The following CCDC136 variants were observed in gnomAD, a reference collection of about 807,000 sequenced individuals.
CCDC136 encodes the protein coiled-coil domain-containing protein 136.
Under a neutral mutation model 141.2 loss-of-function variants are expected in CCDC136, and 100 were observed. The observed-to-expected ratio is 0.71, with a 90% confidence interval of 0.60 to 0.84. CCDC136 has a LOEUF of 0.84. CCDC136 is among the 40% of genes least tolerant of loss of function. CCDC136 has a pLI of 0.00. For synonymous variants in CCDC136, 474 were observed against 531.9 expected, an observed-to-expected ratio of 0.89 and a Z score of 1.50; for missense variants, 1,206 against 1,379.4, an observed-to-expected ratio of 0.87 and a Z score of 1.99.
chr7:128,796,909 T>C (rs2128896472), intron 3 of CCDC136, among the ~76,000 whole-genome samples: 1 of 149,266 alleles, frequency 6.7e-6, no homozygotes, highest in East Asian at 2.0e-4. Flanking sequence ...GCCCGGCTAA[T>C]TTTTTGTATT....
chr7:128,816,659 C>A (rs1806683130), intron 16 of CCDC136, among the ~76,000 whole-genome samples: 1 of 152,162 alleles, frequency 6.6e-6, no homozygotes, highest in African/African-American at 2.4e-5. Flanking sequence ...AGAAGTACTT[C>A]CATATTTTAA....
At chr7:128,820,804 G>T (rs1295443194) in intron 17 of CCDC136, among the ~76,000 whole-genome samples, 1 of 152,108 alleles carries the variant, frequency 6.6e-6, no homozygotes, top group African/African-American at 2.4e-5. Context: ...ACCTTCTGTT[G>T]TTCTTAGTAG....
intron 3 of CCDC136, among the ~76,000 whole-genome samples, chr7:128,796,739 A>ATATATATATATATTTTTT: frequency 5.3e-4 from 60 of 113,364 alleles, no homozygotes; most frequent in African/African-American, 2.1e-3. Flanking sequence ...ATATATATAT[A>ATATATATATATATTTTTT]TTCTTTTTTT....
chr7:128,809,104 T>A, intron 10 of CCDC136: 1 of 388,240 alleles, frequency 2.6e-6, no homozygotes, highest in Non-Finnish European at 3.6e-6. Context: ...CCCAACAGGG[T>A]GGGAATATGG....
Position 128,794,771 on chromosome 7 carries a change from A to G in CCDC136, c.346+3A>G. On this transcript the variant is annotated splice_donor_region_variant and intron_variant, in intron 3 of 17. Transcript: ENST00000297788. This position sits in a 1 kb window ranked among gnomAD's most constrained non-coding sequence, Gnocchi z 4.3. ...CAAGCAGATCCAGCAGCTCCAAGGT[A>G]ATTCCCAGGACTTGGACTGGAGGGA... The G allele has an allele frequency of 1.3e-6, 2 of 1,551,298 alleles. No individual in the cohort carries two copies. Among genetic ancestry groups the G allele is most frequent in the South Asian group, 1.2e-5 (1 of 84,054 alleles).
rs1802695307 is a variant in CCDC136, at chr7:128,794,745, C to T, written c.323C>T (p.Thr108Ile). Residue 108 changes from threonine (T) to isoleucine (I), a missense_variant, in exon 3 of 18, where the codon ACC becomes ATC. Physicochemically the swap from Thr to Ile is moderately conservative, Grantham distance 89 (BLOSUM62 -1). Coordinates refer to ENST00000297788, the MANE Select transcript of CCDC136 (RefSeq NM_022742.5). The surrounding 1 kb of genome is among the most constrained non-coding windows in gnomAD (Gnocchi z 4.3). Reference protein sequence around the residue: ...LASAQQAEVFTKQIQQLQGEL... With the variant: ...LASAQQAEVFIKQIQQLQGEL... ...AGCGCCCAGCAGGCAGAGGTGTTCA[C>T]CAAGCAGATCCAGCAGCTCCAAGGT... is the stretch of plus-strand genomic sequence containing the variant. The T allele has an allele frequency of 2.6e-6, 4 of 1,551,704 alleles. No homozygotes were observed. The East Asian group carries it at 9.8e-5, about 38-fold the overall frequency.
rs1804513039 is a variant in CCDC136, at chr7:128,804,375, AG to A, written c.671-274del. ...ACTTTCAAAAATTGCTAAAAGTTCA[AG>A]AGTCTGCTTCGGTTGAGGCTTTGAA... On this transcript the variant is annotated intron_variant, in intron 4 of 17. Coordinates refer to ENST00000297788, the MANE Select transcript of CCDC136 (RefSeq NM_022742.5). Among the ~76,000 whole-genome samples, 5 of 152,358 alleles carry A rather than the reference AG, an allele frequency of 3.3e-5. No individual in the cohort carries two copies. In the South Asian group the frequency reaches 1.0e-3, roughly 32 times the overall value.
chr7:128,811,368 C>T, intron 12 of CCDC136: 1 of 457,596 alleles, frequency 2.2e-6, no homozygotes, highest in Non-Finnish European at 4.4e-6. Flanking sequence ...ACTTTGATTC[C>T]AATTCTTCAT....
chr7:128,804,517 C>T lies in CCDC136; in HGVS notation c.671-133C>T, dbSNP rs902906773. 1.4e-5 allele frequency: 9 copies of T among 631,690 alleles called. No individual in the cohort carries two copies. In the African/African-American group the frequency reaches 1.5e-4, roughly 10 times the overall value. The allele number at this position is 631,690 out of a possible 1,614,324, so 39.1% of individuals were successfully genotyped here. On this transcript the variant is annotated intron_variant, in intron 4 of 17. Transcript: ENST00000297788. ...TGGGCCCTGTCTTCTAAGCCTCTAC[C>T]TTTTTTCTGTCTTTAGAAAAAGAGA...
chr7:128,792,242 A>G lies in CCDC136; in HGVS notation c.-170A>G. On this transcript the variant is annotated 5_prime_UTR_variant, in exon 1 of 18. The change abolishes an upstream ATG in the 5' untranslated region. Coordinates refer to ENST00000297788, the MANE Select transcript of CCDC136 (RefSeq NM_022742.5). ...CCAGAGCCTCGAGGAGCTGGAAGAC[A>G]TGTCCCCTTCTTTCCTCTGCACCCC... 1.3e-6 allele frequency: 2 copies of G among 1,526,072 alleles called. No homozygotes were observed. The highest frequency in any genetic ancestry group is 2.5e-5 in the South Asian group (2 of 81,218). 94.5% of individuals were successfully genotyped at this position (1,526,072 alleles called of 1,614,324 possible).
Position 128,806,285 on chromosome 7 carries a change from A to T in CCDC136, c.1138A>T (p.Thr380Ser), listed in dbSNP as rs765549126. The change falls in exon 8 of 18, where the codon ACT becomes TCT. Residue 380 changes from threonine to serine, a missense_variant. By Grantham distance (58) the Thr-to-Ser change is moderately conservative (BLOSUM62 1). Transcript: ENST00000297788. ...CTGTACCCTGCAGAAAAAATATGAT[A>T]CTAGCCAGGATGAGCAGAACGAGCT... ...RLCTLQKKYD[T>S]SQDEQNELLK... 6.3e-7 allele frequency: 1 copy of T among 1,581,732 alleles called. No individual in the cohort carries two copies. Among genetic ancestry groups the T allele is most frequent in the Non-Finnish European group, 8.6e-7 (1 of 1,163,622 alleles).
At position 128,792,020 on chromosome 7, in the gene CCDC136, C is replaced by G; in HGVS notation, c.-392C>G. On this transcript the variant is annotated 5_prime_UTR_variant, in exon 1 of 18. Coordinates refer to ENST00000297788, the MANE Select transcript of CCDC136 (RefSeq NM_022742.5). ...CAGCCTCTTCTTCACTGGCTCCCGC[C>G]CTCTTTCAGTCTTGGCCCTCTCCTC... 1 of 1,219,972 alleles carries G rather than the reference C, an allele frequency of 8.2e-7. No homozygotes were observed. The highest frequency in any genetic ancestry group is 1.0e-6 in the Non-Finnish European group (1 of 976,746). The allele number at this position is 1,219,972 out of a possible 1,614,324, so 75.6% of individuals were successfully genotyped here.
chr7:128,821,571 G>A lies in CCDC136; in HGVS notation c.*6-228G>A, dbSNP rs1387889003. Among the ~76,000 whole-genome samples, 3 of 152,170 alleles carry A rather than the reference G, an allele frequency of 2.0e-5. No homozygotes were observed. The highest frequency in any genetic ancestry group is 2.4e-5 in the African/African-American group (1 of 41,444). ...GTATTCTCAGCCCATGGGGAGAAAC[G>A]GAGGCCTGAATACAGGCGGTCACCT... On this transcript the variant is annotated intron_variant, in intron 17 of 17. Coordinates refer to ENST00000297788, the MANE Select transcript of CCDC136 (RefSeq NM_022742.5). This position sits in a 1 kb window ranked among gnomAD's most constrained non-coding sequence, Gnocchi z 5.1.
chr7:128,791,245 G>A (rs1468513168), upstream of CCDC136, among the ~76,000 whole-genome samples: 3 of 151,646 alleles, frequency 2.0e-5, no homozygotes, highest in African/African-American at 7.3e-5. The surrounding 1 kb of genome is among the most constrained non-coding windows in gnomAD (Gnocchi z 7.1). Context: ...GCGCTCTCTA[G>A]GGGAGAGCCT....
intron 4 of CCDC136, 30 bp from the exon 5 acceptor site, chr7:128,804,620 G>C (rs981564441): frequency 3.6e-6 from 5 of 1,372,038 alleles, no homozygotes; most frequent in African/African-American, 1.4e-5. Flanking sequence ...TTTCCTCCCG[G>C]TCTCATCTCT....
chr7:128,819,349 G>T lies in CCDC136; in HGVS notation c.*5+1485G>T, dbSNP rs187275418. ...TGGTAGAAAGCGTGGCTGCCAGGCGGTCAGAAGAACTTGGTTGAGTCTGTC... is the reference window on the plus strand; with the variant it reads ...TGGTAGAAAGCGTGGCTGCCAGGCGTTCAGAAGAACTTGGTTGAGTCTGTC... On this transcript the variant is annotated intron_variant, in intron 17 of 17. Coordinates refer to ENST00000297788, the MANE Select transcript of CCDC136 (RefSeq NM_022742.5). Among the ~76,000 whole-genome samples, 667 of 152,342 alleles carry T rather than the reference G, an allele frequency of 4.4e-3. 7 individuals are homozygous for T. Among genetic ancestry groups the T allele is most frequent in the Non-Finnish European group, 5.7e-3 (387 of 68,038 alleles).
chr7:128,791,950 C>G, upstream of CCDC136: 4 of 882,292 alleles, frequency 4.5e-6, no homozygotes, highest in Non-Finnish European at 5.8e-6. The surrounding 1 kb of genome is among the most constrained non-coding windows in gnomAD (Gnocchi z 7.1). Context: ...TTCCCGCACG[C>G]CCCCCACTCC....
intron 3 of CCDC136, among the ~76,000 whole-genome samples, chr7:128,797,572 G>A (rs991338156): frequency 4.6e-5 from 7 of 152,170 alleles, no homozygotes; most frequent in Admixed American, 3.9e-4. Context: ...AGGTTGCTAA[G>A]TCAAGTGAGA....
In CCDC136 at chr7:128,805,761, T is replaced by C. The variant is rs1804733893; in HGVS notation, c.949T>C (p.Cys317Arg). The C allele has an allele frequency of 1.2e-6, 2 of 1,611,326 alleles. No individual in the cohort carries two copies. The highest frequency in any genetic ancestry group is 2.7e-5 in the African/African-American group (2 of 75,000). Residue 317 changes from cysteine (C) to arginine (R), a missense_variant and splice_region_variant, in exon 7 of 18, where the codon TGT (cysteine) becomes CGT (arginine). Cys to Arg is a radical substitution (Grantham distance 180). Transcript: ENST00000297788. This position sits in a 1 kb window ranked among gnomAD's most constrained non-coding sequence, Gnocchi z 4.6. ...CCTCCCTGTTCCATTTCCCACATAG[T>C]GTCAGGAATTGTGTTGTGAGTTGGA... ...EEQMHGMKNKCQELCCELEEL... is the reference protein window; with the variant it reads ...EEQMHGMKNKRQELCCELEEL...
Sources: gnomAD v4.1 joint callset for allele counts (sites outside exome capture counted in the v4.1 genomes callset) on GRCh38, gnomAD v4.1.1 for gene constraint, Gnocchi (gnomAD v3.1) non-coding constraint, MANE v1.5 for transcripts, NCBI Gene and HGNC (gene_info 2026-07-23, HGNC 2026-07-21) for gene names.